The following EXOSC7 variants were observed in gnomAD, a reference collection of about 807,000 sequenced individuals.
EXOSC7 encodes exosome component 7.
EXOSC7 carries 25 observed loss-of-function variants against 34.3 expected under a neutral mutation model. The ratio of observed to expected loss-of-function variants is 0.73; its 90% confidence interval spans 0.53 to 1.02. The LOEUF is 1.02. Ranked by LOEUF, EXOSC7 falls within the 50% of genes least tolerant of loss-of-function variation. The pLI, the probability that EXOSC7 is intolerant of heterozygous loss-of-function variation, is 0.00. For synonymous variants in EXOSC7, 130 were observed against 143.0 expected (o/e 0.91, Z 0.65); for missense variants, 370 against 368.5 (o/e 1.00, Z -0.03).
At chr3:44,976,485 A>G (rs1706032562) in intron 1 of EXOSC7, 151 bp downstream of exon 1, 3 of 689,168 alleles carry the variant, frequency 4.4e-6, no homozygotes, top group Non-Finnish European at 6.9e-6. Flanking sequence ...CGGCGTTTGC[A>G]ATTCAGAGCT....
chr3:44,999,834 G>A (rs1201335630), intron 4 of EXOSC7, among the ~76,000 whole-genome samples: 1 of 152,180 alleles, frequency 6.6e-6, no homozygotes, highest in Non-Finnish European at 1.5e-5. Context: ...TGAATAGATT[G>A]AGTCCATGTT....
intron 5 of EXOSC7, among the ~76,000 whole-genome samples, chr3:45,002,859 G>A (rs1706918661): frequency 6.6e-6 from 1 of 152,146 alleles, no homozygotes; most frequent in Non-Finnish European, 1.5e-5. Flanking sequence ...GGCACTCTTG[G>A]CCACCGTGGG....
intron 1 of EXOSC7, among the ~76,000 whole-genome samples, 169 bp from the exon 2 acceptor site, chr3:44,988,971 A>T (rs6785788): frequency 6.6e-6 from 1 of 152,164 alleles, no homozygotes; most frequent in Non-Finnish European, 1.5e-5. Context: ...ATTTCCTCAT[A>T]TGTAAAATAG....
Position 44,995,212 on chromosome 3 carries a change from A to G in EXOSC7, c.255-1875A>G, listed in dbSNP as rs1706688852. 1.3e-5 allele frequency among the ~76,000 whole-genome samples: 2 copies of G among 152,014 alleles called. 1 individual carries two copies. The highest frequency in any genetic ancestry group is 4.8e-5 in the African/African-American group (2 of 41,370). ...TGGTCAGGCTGGTCTCGAACCCCCG[A>G]CCTCAGGTGATCCACCCGCCTTGGC... On this transcript the variant is annotated intron_variant, in intron 3 of 7. Transcript: ENST00000265564.
chr3:44,981,974 C>T (rs1706282446), intron 1 of EXOSC7, among the ~76,000 whole-genome samples: 1 of 152,200 alleles, frequency 6.6e-6, no homozygotes, highest in African/African-American at 2.4e-5. Context: ...CTCTCATGGG[C>T]TCCGTGGATT....
intron 1 of EXOSC7, among the ~76,000 whole-genome samples, chr3:44,985,617 C>T (rs930308594): frequency 7.2e-5 from 11 of 152,190 alleles, no homozygotes; most frequent in Admixed American, 3.3e-4. Flanking sequence ...TGCAGACCTT[C>T]GCGGTGAGTG....
chr3:44,998,441 G>A (rs1706787867), intron 4 of EXOSC7, among the ~76,000 whole-genome samples: 1 of 152,160 alleles, frequency 6.6e-6, no homozygotes, highest in South Asian at 2.1e-4. Context: ...TGTTGGGTCT[G>A]TTTTGAACCA....
rs191719663 is a variant in EXOSC7 at position 44,985,652 on chromosome 3, A to T, written c.58-3488A>T. Among the ~76,000 whole-genome samples, 520 of 152,284 alleles carry T rather than the reference A, an allele frequency of 3.4e-3. 4 individuals carry two copies. The highest frequency in any genetic ancestry group is 0.01 in the Middle Eastern group (3 of 294). On this transcript the variant is annotated intron_variant, in intron 1 of 7. Transcript: ENST00000265564. ...GTTACAGCTCATAAAGGCAGTGTGG[A>T]CCCAAAGAGTGAGCAGTAGCAAGAT...
chr3:45,009,425 C>CA (rs758728916), intron 7 of EXOSC7, among the ~76,000 whole-genome samples: 9 of 152,210 alleles, frequency 5.9e-5, no homozygotes, highest in Non-Finnish European at 1.2e-4. Flanking sequence ...TCCTGGCATC[C>CA]TGTCCATCTC....
intron 5 of EXOSC7, chr3:45,002,381 A>C (rs1334895834): frequency 6.6e-6 from 1 of 152,150 alleles, no homozygotes; most frequent in Non-Finnish European, 1.5e-5. Context: ...ATGAGCAAAG[A>C]TGTTTATTCT....
At position 45,011,315 on chromosome 3, in the gene EXOSC7, A is replaced by T. The variant is rs1195731315; in HGVS notation, c.852A>T (p.Arg284Ser). ...VHKEESLGPK[R>S]QKVGFLG The stretch of plus-strand genomic sequence containing the variant: ...AGGAAGAAAGCCTGGGGCCCAAGAG[A>T]CAGAAAGTTGGATTCCTGGGATGAT... Residue 284 changes from arginine (R) to serine (S), a missense_variant, in exon 8 of 8, where the codon AGA (arginine) becomes AGT (serine). By Grantham distance (110) the Arg-to-Ser change is moderately radical. This residue lies in a region of EXOSC7 where 255 missense variants were observed against 246.4 expected (regional missense o/e 1.03). Coordinates refer to ENST00000265564, the MANE Select transcript of EXOSC7 (RefSeq NM_015004.4). 1 of 1,612,566 alleles carries T rather than the reference A, an allele frequency of 6.2e-7. No homozygotes were observed. Among genetic ancestry groups the T allele is most frequent in the Middle Eastern group, 1.6e-4 (1 of 6,062 alleles).
At chr3:44,990,161 G>A (rs1706531308) in intron 3 of EXOSC7, among the ~76,000 whole-genome samples, 2 of 152,166 alleles carry the variant, frequency 1.3e-5, no homozygotes, top group Non-Finnish European at 2.9e-5. Context: ...CCAGCCTTGG[G>A]CCAGAATGTC....
At chr3:44,993,799 A>G (rs1479020948) in intron 3 of EXOSC7, among the ~76,000 whole-genome samples, 1 of 152,182 alleles carries the variant, frequency 6.6e-6, no homozygotes, top group African/African-American at 2.4e-5. Context: ...GCAGGCAGCT[A>G]CAATTACCAG....
chr3:44,997,965 A>C (rs1057246252), intron 4 of EXOSC7, among the ~76,000 whole-genome samples: 1 of 144,932 alleles, frequency 6.9e-6, no homozygotes, highest in African/African-American at 2.6e-5. Flanking sequence ...CCTCCCAAAT[A>C]CTCCTCTACC....
chr3:44,981,778 T>A (rs895564791), intron 1 of EXOSC7, among the ~76,000 whole-genome samples: 3 of 152,062 alleles, frequency 2.0e-5, no homozygotes, highest in African/African-American at 7.2e-5. Context: ...TGTGGTGGTG[T>A]GTGCCTGTAG....
Position 44,997,163 on chromosome 3 carries a change from C to A in EXOSC7, c.331C>A (p.Arg111=), listed in dbSNP as rs193092686. The change falls in exon 4 of 8, where the codon CGG becomes AGG. Residue 111 remains arginine, a synonymous_variant. Transcript: ENST00000265564. ...LGTEIANTLY[R]IFNNKSSVDL... is the part of the protein sequence containing the mutation. The stretch of plus-strand genomic sequence containing the variant: ...CACCGAGATCGCTAACACCCTCTAT[C>A]GGATATTTAACAATAAAAGCAGTGT... 1.2e-6 allele frequency: 2 copies of A among 1,613,900 alleles called. No individual in the cohort carries two copies. The highest frequency in any genetic ancestry group is 8.5e-7 in the Non-Finnish European group (1 of 1,179,972).
In EXOSC7 at chr3:45,001,577, A is replaced by T. The variant is rs1427016599; in HGVS notation, c.460A>T (p.Ile154Phe). The change falls in exon 5 of 8, where the codon ATT (isoleucine) becomes TTT (phenylalanine). Residue 154 changes from isoleucine to phenylalanine, a missense_variant. This residue lies in a region of EXOSC7 where 255 missense variants were observed against 246.4 expected (regional missense o/e 1.03). Coordinates refer to ENST00000265564, the MANE Select transcript of EXOSC7 (RefSeq NM_015004.4). ...CGGNLFDAISIAVKAALFNTR... is the reference protein window; with the variant it reads ...CGGNLFDAISFAVKAALFNTR... The stretch of plus-strand genomic sequence containing the variant: ...TGGAAATTTGTTTGATGCCATTTCC[A>T]TTGCTGTAAAGGCTGCTCTCTTCAA... 3 of 1,613,434 alleles carry T rather than the reference A, an allele frequency of 1.9e-6. No homozygotes were observed. Among genetic ancestry groups the T allele is most frequent in the Non-Finnish European group, 2.5e-6 (3 of 1,179,656 alleles).
chr3:44,978,820 C>T (rs1181871015), intron 1 of EXOSC7, among the ~76,000 whole-genome samples: 1 of 152,166 alleles, frequency 6.6e-6, no homozygotes, highest in Non-Finnish European at 1.5e-5. Flanking sequence ...GAGGTTCAGT[C>T]ATTCGCTCAT....
At chr3:44,992,377 A>G (rs1017810617) in intron 3 of EXOSC7, among the ~76,000 whole-genome samples, 1 of 152,238 alleles carries the variant, frequency 6.6e-6, no homozygotes, top group African/African-American at 2.4e-5. Flanking sequence ...CCAGGGGTAG[A>G]GAGGTCTCAG....
Sources: allele counts gnomAD v4.1 joint callset (sites outside exome capture counted in the v4.1 genomes callset), GRCh38; gene constraint gnomAD v4.1.1; regional missense constraint gnomAD v4.1.1; transcripts MANE v1.5; gene names NCBI Gene and HGNC (gene_info 2026-07-23, HGNC 2026-07-21).